Variants in ZGPAT observed in about 807,000 individuals in gnomAD.
ZGPAT encodes zinc finger CCCH-type with G patch domain-containing protein.
In ZGPAT, 39 loss-of-function variants were observed where a neutral mutation model predicts 47.9. The observed-to-expected ratio is 0.81, with a 90% CI of 0.63 to 1.06. The LOEUF (loss-of-function observed/expected upper bound fraction) is 1.06, where lower values mean the gene tolerates loss of function less well. Ranked by LOEUF, ZGPAT falls within the 50% of genes least tolerant of loss-of-function variation. ZGPAT has a pLI of 0.00. For missense variants in ZGPAT, 717 were observed against 681.4 expected, an observed-to-expected ratio of 1.05 and a Z score of -0.58; for synonymous variants, 348 against 292.9, an observed-to-expected ratio of 1.19 and a Z score of -1.92.
At chr20:63,712,195 A>AG (rs1336569483) in intron 2 of ZGPAT, among the ~76,000 whole-genome samples, 8 of 152,182 alleles carry the variant, frequency 5.3e-5, no homozygotes, top group Admixed American at 4.6e-4. Context: ...TTATTAGGTG[A>AG]GGGTCCACTT....
At chr20:63,722,016 G>GA (rs11320808) in intron 2 of ZGPAT, among the ~76,000 whole-genome samples, 45 of 140,918 alleles carry the variant, frequency 3.2e-4, no homozygotes, top group East Asian at 1.3e-3. Context: ...CCATCTCGGG[G>GA]AAAAAAAAAA....
intron 2 of ZGPAT, chr20:63,730,020 G>GCACACACACACACACACA (rs58067228): frequency 2.6e-5 from 4 of 151,224 alleles, no homozygotes; most frequent in African/African-American, 9.8e-5. Flanking sequence ...ACTCTACTGC[G>GCACACACACACACACACA]CACACACACA....
upstream of ZGPAT, chr20:63,707,931 T>TG: frequency 6.6e-6 from 1 of 152,280 alleles, no homozygotes. Context: ...GACCCCGCGC[T>TG]AACCCCGCGC....
Position 63,734,684 on chromosome 20 carries a change from CCCT to C in ZGPAT, c.872-19_872-17del. ...GCCGTGGACTCTGCACAGTCCTCTG[CCCT>C]CTGTCCGTCTCTTGCAGTGGTGGGG... On this transcript the variant is annotated intron_variant, in intron 4 of 6. Transcript: ENST00000355969. The C allele has an allele frequency of 6.2e-7, 1 of 1,612,638 alleles. No homozygotes were observed. The highest frequency in any genetic ancestry group is 8.5e-7 in the Non-Finnish European group (1 of 1,179,300).
chr20:63,733,840 A>T, intron 4 of ZGPAT, 101 bp downstream of exon 4: 2 of 1,478,454 alleles, frequency 1.4e-6, no homozygotes, highest in South Asian at 2.7e-5. Flanking sequence ...ACTATTGGAG[A>T]GTGTGTGACT....
intron 2 of ZGPAT, among the ~76,000 whole-genome samples, chr20:63,721,427 T>C (rs979349771): frequency 6.6e-6 from 1 of 151,862 alleles, no homozygotes; most frequent in Non-Finnish European, 1.5e-5. Context: ...GGGCAAGTCC[T>C]TCAGTGTCCG....
chr20:63,732,162 T>C (rs1451355562), intron 2 of ZGPAT, among the ~76,000 whole-genome samples: 1 of 151,094 alleles, frequency 6.6e-6, no homozygotes. Flanking sequence ...TGTGTGCGCG[T>C]GTGGGTGACT....
chr20:63,723,638 C>A (rs1013558765), intron 2 of ZGPAT, among the ~76,000 whole-genome samples: 2 of 152,128 alleles, frequency 1.3e-5, no homozygotes, highest in Non-Finnish European at 2.9e-5. Context: ...CTCCCTTGTC[C>A]TCTGACATAG....
rs1365488203 is a variant in ZGPAT at position 63,722,020 on chromosome 20, A to G, written c.585-11199A>G. On this transcript the variant is annotated intron_variant, in intron 2 of 6. Coordinates refer to ENST00000355969, the MANE Select transcript of ZGPAT (RefSeq NM_181485.3). ...AGAGTGAGACTCCATCTCGGGGAAA[A>G]AAAAAAAAAAAAAATGCCATCAACA... 6.3e-4 allele frequency among the ~76,000 whole-genome samples: 95 copies of G among 151,054 alleles called. 2 individuals are homozygous for G. Among genetic ancestry groups the G allele is most frequent in the African/African-American group, 1.8e-3 (75 of 41,036 alleles).
Position 63,716,764 on chromosome 20 carries a change from C to T in ZGPAT, c.584+7600C>T, listed in dbSNP as rs7264509. 5.2e-3 allele frequency among the ~76,000 whole-genome samples: 786 copies of T among 152,254 alleles called. 7 individuals are homozygous for T. The highest frequency in any genetic ancestry group is 0.018 in the African/African-American group (757 of 41,544). On this transcript the variant is annotated intron_variant, in intron 2 of 6. Coordinates refer to ENST00000355969, the MANE Select transcript of ZGPAT (RefSeq NM_181485.3). ...GTGGTGCAATCTCACTCATTGCAAC[C>T]TCCGACTCCCAGATTCCAGCAATTC...
chr20:63,709,861 A>C (rs1282484238), intron 2 of ZGPAT, among the ~76,000 whole-genome samples: 1 of 151,118 alleles, frequency 6.6e-6, no homozygotes, highest in African/African-American at 2.4e-5. Flanking sequence ...TATTACTATA[A>C]TTTTTTATCT....
intron 2 of ZGPAT, among the ~76,000 whole-genome samples, chr20:63,732,613 C>T (rs2091924927): frequency 3.3e-5 from 1 of 30,416 alleles, no homozygotes; most frequent in Non-Finnish European, 9.5e-5. Flanking sequence ...GTGTCAGGGT[C>T]TCTGTGTATG....
chr20:63,717,711 C>T (rs1313259473), intron 2 of ZGPAT, among the ~76,000 whole-genome samples: 1 of 152,142 alleles, frequency 6.6e-6, no homozygotes, highest in African/African-American at 2.4e-5. Context: ...GCTGGGACTA[C>T]AGGTGTACAC....
chr20:63,725,206 G>A (rs1215927823), intron 2 of ZGPAT, among the ~76,000 whole-genome samples: 1 of 152,088 alleles, frequency 6.6e-6, no homozygotes, highest in East Asian at 1.9e-4. Context: ...GGATGGTCTT[G>A]ATCTCCTGAC....
intron 2 of ZGPAT, among the ~76,000 whole-genome samples, chr20:63,732,808 G>A (rs927290715): frequency 4.9e-5 from 7 of 143,686 alleles, no homozygotes; most frequent in African/African-American, 7.3e-5. Flanking sequence ...ATGTTTATGC[G>A]TGTGTATGTG....
intron 2 of ZGPAT, among the ~76,000 whole-genome samples, chr20:63,730,968 C>G (rs879668037): frequency 0.021 from 2,092 of 100,974 alleles, 23 homozygotes; most frequent in African/African-American, 0.044. Flanking sequence ...CTCTCTCTCT[C>G]TCTGTGTGTG....
chr20:63,715,521 G>A (rs778823976), intron 2 of ZGPAT, among the ~76,000 whole-genome samples: 31 of 152,120 alleles, frequency 2.0e-4, no homozygotes, highest in Non-Finnish European at 4.1e-4. Flanking sequence ...TTACAGGCGT[G>A]AGCCACCGCA....
rs545938514 is a variant in ZGPAT, at chr20:63,731,875, T to A, written c.585-1344T>A. Among the ~76,000 whole-genome samples the A allele has an allele frequency of 4.9e-4, 75 of 152,334 alleles. 3 individuals are homozygous for A. The South Asian group carries it at 0.015, about 31-fold the overall frequency. On this transcript the variant is annotated intron_variant, in intron 2 of 6. Transcript: ENST00000355969. ...AACAACTATTTACATAGCATTTACA[T>A]CGTATTAGGTACTGCAAGTAATCTA...
intron 2 of ZGPAT, among the ~76,000 whole-genome samples, chr20:63,729,866 T>A (rs2091879171): frequency 1.3e-5 from 2 of 151,768 alleles, no homozygotes; most frequent in Admixed American, 6.6e-5. Flanking sequence ...ACAAAAAGAT[T>A]CAAAAATTAG....
Sources: allele counts gnomAD v4.1 joint callset (sites outside exome capture counted in the v4.1 genomes callset), GRCh38; gene constraint gnomAD v4.1.1; transcripts MANE v1.5; gene names NCBI Gene and HGNC (gene_info 2026-07-23, HGNC 2026-07-21).